The following CFAP299 variants were observed in gnomAD, a reference collection of about 807,000 sequenced individuals.
CFAP299 encodes the protein cilia- and flagella-associated protein 299.
In CFAP299, 21 loss-of-function variants were observed where a neutral mutation model predicts 27.0. The observed-to-expected ratio is 0.78, with a 90% CI of 0.55 to 1.12. CFAP299 has a LOEUF of 1.12. Among genes scored for constraint, CFAP299 ranks in the 50% most tolerant of loss-of-function variants. The probability of loss-of-function intolerance (pLI) is 0.00; values close to 1 mark genes in which losing one functional copy is unlikely to be tolerated. For synonymous variants in CFAP299, 104 were observed against 98.1 expected (o/e 1.06, Z -0.36); for missense variants, 310 against 276.6 (o/e 1.12, Z -0.86).
chr4:80,467,970 C>A (rs1395990903), intron 2 of CFAP299, among the ~76,000 whole-genome samples: 1 of 152,182 alleles, frequency 6.6e-6, no homozygotes, highest in South Asian at 2.1e-4. Flanking sequence ...ATAATCTAAT[C>A]ACCTCTCATC....
chr4:80,854,849 A>G (rs1339865289), intron 3 of CFAP299, among the ~76,000 whole-genome samples: 1 of 150,498 alleles, frequency 6.6e-6, no homozygotes, highest in Non-Finnish European at 1.5e-5. Flanking sequence ...AGAAAAGGAA[A>G]ATTGGGTTGA....
intron 3 of CFAP299, among the ~76,000 whole-genome samples, chr4:80,714,902 G>A (rs559009558): frequency 6.6e-6 from 1 of 152,054 alleles, no homozygotes; most frequent in Admixed American, 6.6e-5. Context: ...TGACTATTTT[G>A]TATGTTATTC....
At chr4:80,906,281 G>A (rs970380392) in intron 4 of CFAP299, among the ~76,000 whole-genome samples, 4 of 152,200 alleles carry the variant, frequency 2.6e-5, no homozygotes, top group African/African-American at 9.7e-5. Flanking sequence ...GAAGAGGTAG[G>A]CTCCCACAGC....
At chr4:80,544,183 T>A (rs572133999) in intron 2 of CFAP299, among the ~76,000 whole-genome samples, 3 of 152,148 alleles carry the variant, frequency 2.0e-5, no homozygotes, top group Non-Finnish European at 4.4e-5. Flanking sequence ...CTACACCTGC[T>A]TTACAAGAAG....
At chr4:80,506,786 A>G (rs1027012245) in intron 2 of CFAP299, among the ~76,000 whole-genome samples, 4 of 152,126 alleles carry the variant, frequency 2.6e-5, no homozygotes, top group African/African-American at 4.8e-5. Flanking sequence ...ATTGATGGCA[A>G]TGGGATAAGA....
intron 3 of CFAP299, among the ~76,000 whole-genome samples, chr4:80,637,027 T>G (rs1219651476): frequency 6.6e-6 from 1 of 152,166 alleles, no homozygotes; most frequent in African/African-American, 2.4e-5. Flanking sequence ...TGTTTGAAAC[T>G]CCACTCTGAA....
chr4:80,436,333 C>G (rs1299932819), intron 2 of CFAP299, among the ~76,000 whole-genome samples: 1 of 145,744 alleles, frequency 6.9e-6, no homozygotes, highest in Admixed American at 7.0e-5. Flanking sequence ...GAGTCTCACT[C>G]TGTTGCCCAG....
chr4:80,390,553 GTATATATGTATATA>G (rs1560543121), intron 2 of CFAP299, among the ~76,000 whole-genome samples: 2 of 124,444 alleles, frequency 1.6e-5, no homozygotes, highest in East Asian at 2.1e-4. Context: ...ACACATATAT[GTATATATGTATATA>G]TGTATACACA....
chr4:80,577,898 G>A (rs1054291416), intron 2 of CFAP299, among the ~76,000 whole-genome samples: 8 of 152,088 alleles, frequency 5.3e-5, no homozygotes, highest in Admixed American at 1.3e-4. Flanking sequence ...TTATTCATTC[G>A]TTTTGAGTGT....
intron 3 of CFAP299, among the ~76,000 whole-genome samples, chr4:80,809,984 T>G (rs1479964949): frequency 6.6e-6 from 1 of 152,076 alleles, no homozygotes; most frequent in East Asian, 1.9e-4. Context: ...ATAATGTCCT[T>G]GTTTTTGGGT....
intron 2 of CFAP299, among the ~76,000 whole-genome samples, chr4:80,397,979 T>C (rs188368005): frequency 6.6e-6 from 1 of 152,318 alleles, no homozygotes; most frequent in Admixed American, 6.5e-5. Context: ...CATAAGCAAC[T>C]TCAGCAAAGT....
At chr4:80,447,131 T>TG (rs1491227921) in intron 2 of CFAP299, among the ~76,000 whole-genome samples, 1,128 of 103,774 alleles carry the variant, frequency 0.011, 14 homozygotes, top group Middle Eastern at 0.016. Flanking sequence ...TTTTTTTTTG[T>TG]TTTTTTTTTT....
chr4:80,868,509 G>A (rs770365563), intron 3 of CFAP299, among the ~76,000 whole-genome samples: 3 of 152,054 alleles, frequency 2.0e-5, no homozygotes, highest in African/African-American at 2.4e-5. Flanking sequence ...AGTTCTATGC[G>A]CCTCTATCTC....
At chr4:80,865,440 CT>C (rs1261220086) in intron 3 of CFAP299, among the ~76,000 whole-genome samples, 1 of 152,134 alleles carries the variant, frequency 6.6e-6, no homozygotes, top group African/African-American at 2.4e-5. Flanking sequence ...GCCACCACAT[CT>C]GTCTGATTAT....
chr4:80,633,319 T>A (rs1230927031), intron 3 of CFAP299, among the ~76,000 whole-genome samples: 1 of 151,894 alleles, frequency 6.6e-6, no homozygotes, highest in Non-Finnish European at 1.5e-5. Context: ...GGTGGCATGC[T>A]CCTGTAGTAC....
rs192901081 is a variant in CFAP299 at position 80,910,267 on chromosome 4, T to A, written c.477-34543T>A. Among the ~76,000 whole-genome samples, 616 of 152,080 alleles carry A rather than the reference T, an allele frequency of 4.1e-3. 1 individual carries two copies. The highest frequency in any genetic ancestry group is 0.014 in the Middle Eastern group (4 of 294). ...TTAGTTCAACCATTGTGGAAAAGAG[T>A]GTGGTGATCCCTCAAAATGCTAAAA... On this transcript the variant is annotated intron_variant, in intron 4 of 5. Coordinates refer to ENST00000358105, the MANE Select transcript of CFAP299 (RefSeq NM_152770.3).
rs78406349 is a variant in CFAP299 at position 80,707,870 on chromosome 4, A to G, written c.333+124687A>G. Among the ~76,000 whole-genome samples, 1,282 of 152,210 alleles carry G rather than the reference A, an allele frequency of 8.4e-3. 20 individuals are homozygous for G. Among genetic ancestry groups the G allele is most frequent in the African/African-American group, 0.029 (1,226 of 41,564 alleles). ...TTGTAGTTCAAGAAAATAGGCTTGC[A>G]TATGTACTCATTTGTCCAATCAGCT... is the stretch of plus-strand genomic sequence containing the variant. On this transcript the variant is annotated intron_variant, in intron 3 of 5. Transcript: ENST00000358105.
intron 2 of CFAP299, among the ~76,000 whole-genome samples, chr4:80,451,156 G>C (rs1399193314): frequency 6.6e-6 from 1 of 152,104 alleles, no homozygotes; most frequent in East Asian, 1.9e-4. Flanking sequence ...GTATGAGCAG[G>C]GTTGGTCCTT....
At chr4:80,453,878 A>G (rs1212537903) in intron 2 of CFAP299, among the ~76,000 whole-genome samples, 1 of 147,676 alleles carries the variant, frequency 6.8e-6, no homozygotes, top group South Asian at 2.1e-4. Context: ...TAATAATAAT[A>G]ATAATAATAA....
Sources: allele counts gnomAD v4.1 joint callset (sites outside exome capture counted in the v4.1 genomes callset), GRCh38; gene constraint gnomAD v4.1.1; transcripts MANE v1.5; gene names NCBI Gene and HGNC (gene_info 2026-07-23, HGNC 2026-07-21).